CNBD1: variants seen among roughly 807,000 people sequenced by gnomAD.
The protein encoded by CNBD1 is cyclic nucleotide-binding domain-containing protein 1.
A neutral mutation model predicts 54.4 loss-of-function variants in CNBD1; 71 were observed. The observed-to-expected ratio is 1.30, with a 90% CI of 1.08 to 1.59. The LOEUF (loss-of-function observed/expected upper bound fraction) is 1.59, where lower values mean the gene tolerates loss of function less well. CNBD1 is among the 40% of genes most tolerant of loss of function. The probability of loss-of-function intolerance (pLI) is 0.00; values close to 1 mark genes in which losing one functional copy is unlikely to be tolerated. For missense variants in CNBD1, 659 were observed against 518.0 expected (o/e 1.27, Z -2.64); for synonymous variants, 182 against 170.7 (o/e 1.07, Z -0.51).
At chr8:87,350,893 G>T (rs977476853) in intron 8 of CNBD1, among the ~76,000 whole-genome samples, 1 of 151,994 alleles carries the variant, frequency 6.6e-6, no homozygotes, top group South Asian at 2.1e-4. Context: ...TTAATACGTT[G>T]ATAGTTACAA....
At chr8:87,176,750 A>C (rs937860047) in intron 4 of CNBD1, among the ~76,000 whole-genome samples, 5 of 151,838 alleles carry the variant, frequency 3.3e-5, no homozygotes, top group African/African-American at 9.7e-5. Flanking sequence ...CAGCCTTCCA[A>C]AGTGCTGGGA....
rs1207106790 is a variant in CNBD1, at chr8:87,423,269, C to A, written c.214-5277C>A. On this transcript the variant is annotated intron_variant, in intron 2 of 7. Transcript: ENST00000521593. ...TTTCCTAATTGAATACCCTTTATTT[C>A]CTTCTCCTGCCTAATTGCCCTGGCC... 5.3e-5 allele frequency among the ~76,000 whole-genome samples: 8 copies of A among 150,840 alleles called. 1 individual carries two copies. The East Asian group carries it at 1.4e-3, about 26-fold the overall frequency.
intron 2 of CNBD1, among the ~76,000 whole-genome samples, chr8:87,390,865 G>T (rs1811294554): frequency 6.6e-6 from 1 of 152,136 alleles, no homozygotes; most frequent in African/African-American, 2.4e-5. Flanking sequence ...TGATAGACTG[G>T]ATTAAGAAAA....
intron 5 of CNBD1, among the ~76,000 whole-genome samples, chr8:87,214,181 C>A (rs1159390097): frequency 1.3e-5 from 2 of 152,192 alleles, no homozygotes; most frequent in Non-Finnish European, 2.9e-5. Flanking sequence ...CATCAGAATG[C>A]AAATTTTTTG....
intron 6 of CNBD1, among the ~76,000 whole-genome samples, chr8:87,247,354 C>T (rs562696257): frequency 3.3e-5 from 5 of 152,270 alleles, no homozygotes; most frequent in Admixed American, 6.5e-5. Context: ...GAGGTGATCA[C>T]GCACCAGCTC....
Position 87,166,497 on chromosome 8 carries a change from T to TA in CNBD1, c.432-39496_432-39495insA, listed in dbSNP as rs1166513627. Among the ~76,000 whole-genome samples, 1 of 151,986 alleles carries TA rather than the reference T, an allele frequency of 6.6e-6. No individual in the cohort carries two copies. Among genetic ancestry groups the TA allele is most frequent in the African/African-American group, 2.4e-5 (1 of 41,416 alleles). The stretch of plus-strand genomic sequence containing the variant: ...TTCATTTGTTGCCCCATTAATCTGT[T>TA]TATTGACTTAGCATTGCTCTTCAAA... On this transcript the variant is annotated intron_variant, in intron 4 of 10. Transcript: ENST00000518476. The surrounding 1 kb of genome is among the most constrained non-coding windows in gnomAD (Gnocchi z 4.3).
At chr8:87,337,077 C>T (rs895789865) in intron 8 of CNBD1, among the ~76,000 whole-genome samples, 1 of 152,160 alleles carries the variant, frequency 6.6e-6, no homozygotes, top group Admixed American at 6.6e-5. Flanking sequence ...CCTGCTCCTT[C>T]CTCTGCGATC....
rs1366105430 is a variant in CNBD1, at chr8:87,322,887, G to T, written c.1043-28798G>T. Among the ~76,000 whole-genome samples the T allele has an allele frequency of 5.2e-3, 606 of 117,144 alleles. 7 individuals carry two copies. Among genetic ancestry groups the T allele is most frequent in the Middle Eastern group, 0.018 (4 of 226 alleles). The allele number at this position is 117,144 out of a possible 152,430, so 76.9% of individuals were successfully genotyped here. On this transcript the variant is annotated intron_variant, in intron 8 of 10. Coordinates refer to ENST00000518476, the MANE Select transcript of CNBD1 (RefSeq NM_173538.3). ...GACATGAAGTCCTTGCCCATGCCTA[G>T]GTCCTGAATGGTAATGCCTAGGTTT...
intron 4 of CNBD1, among the ~76,000 whole-genome samples, chr8:86,960,902 A>G (rs531985756): frequency 2.6e-5 from 4 of 152,300 alleles, no homozygotes; most frequent in South Asian, 4.2e-4. Flanking sequence ...GCAAACTCCA[A>G]CAGACCTGCA....
At chr8:87,139,764 TCCA>T (rs1180804211) in intron 4 of CNBD1, among the ~76,000 whole-genome samples, 3 of 152,132 alleles carry the variant, frequency 2.0e-5, no homozygotes, top group Non-Finnish European at 4.4e-5. Context: ...AAAGGCCTCC[TCCA>T]CAAGTTGTTG....
In CNBD1 at chr8:87,010,622, G is replaced by A. The variant is rs566507637; in HGVS notation, c.431+70868G>A. On this transcript the variant is annotated intron_variant, in intron 4 of 10. Transcript: ENST00000518476. ...AATCCAGGCCTGATGGTACATGCCTGTAATCCCAGCTAGTTAGGAGGCTGA... is the reference window on the plus strand; with the variant it reads ...AATCCAGGCCTGATGGTACATGCCTATAATCCCAGCTAGTTAGGAGGCTGA... Among the ~76,000 whole-genome samples, 106 of 152,120 alleles carry A rather than the reference G, an allele frequency of 7.0e-4. 1 individual carries two copies. In the South Asian group the frequency reaches 0.013, roughly 18 times the overall value.
At chr8:87,288,944 G>A (rs532023252) in intron 8 of CNBD1, among the ~76,000 whole-genome samples, 2 of 152,144 alleles carry the variant, frequency 1.3e-5, no homozygotes, top group South Asian at 2.1e-4. Context: ...AATAAGTCCT[G>A]TCAAATTCAT....
At chr8:87,231,978 A>G (rs757900798) in intron 5 of CNBD1, among the ~76,000 whole-genome samples, 2 of 152,132 alleles carry the variant, frequency 1.3e-5, no homozygotes, top group Non-Finnish European at 2.9e-5. Flanking sequence ...AATTCTCACT[A>G]TGAATTGAAT....
At chr8:87,342,045 G>A (rs536469666) in intron 8 of CNBD1, among the ~76,000 whole-genome samples, 66 of 152,168 alleles carry the variant, frequency 4.3e-4, no homozygotes, top group African/African-American at 9.4e-4. Context: ...AGGCCGAGGC[G>A]GGCAGATCAC....
At chr8:87,095,420 T>G (rs1811297218) in intron 4 of CNBD1, among the ~76,000 whole-genome samples, 1 of 152,234 alleles carries the variant, frequency 6.6e-6, no homozygotes, top group South Asian at 2.1e-4. Context: ...AGTGTTGTCT[T>G]TTTTCTAATA....
intron 4 of CNBD1, among the ~76,000 whole-genome samples, chr8:86,962,169 G>T (rs1010960130): frequency 1.3e-5 from 2 of 152,190 alleles, no homozygotes; most frequent in Non-Finnish European, 2.9e-5. Context: ...CAGGACTTCA[G>T]AGGTTATCTT....
chr8:86,873,365 T>C (rs1395698947), intron 1 of CNBD1, among the ~76,000 whole-genome samples: 1 of 151,852 alleles, frequency 6.6e-6, no homozygotes, highest in Non-Finnish European at 1.5e-5. Flanking sequence ...CCTCCCAAAG[T>C]GCTAGGATTA....
At chr8:86,951,332 T>C (rs1361679696) in intron 4 of CNBD1, among the ~76,000 whole-genome samples, 1 of 151,928 alleles carries the variant, frequency 6.6e-6, no homozygotes, top group Admixed American at 6.6e-5. Flanking sequence ...CTCATGCTTG[T>C]AATCCCAGCA....
intron 4 of CNBD1, among the ~76,000 whole-genome samples, chr8:87,051,524 G>A (rs755991556): frequency 7.2e-5 from 11 of 152,172 alleles, no homozygotes; most frequent in East Asian, 1.9e-4. Context: ...ATTTACCCAC[G>A]TATTTATTAA....
Sources: allele counts gnomAD v4.1 joint callset (sites outside exome capture counted in the v4.1 genomes callset), GRCh38; gene constraint gnomAD v4.1.1; non-coding constraint Gnocchi (gnomAD v3.1); transcripts MANE v1.5; gene names NCBI Gene and HGNC (gene_info 2026-07-23, HGNC 2026-07-21).